RGS10: variants seen among roughly 807,000 people sequenced by gnomAD.
RGS10 encodes the protein regulator of G-protein signalling 10.
A neutral mutation model predicts 23.5 loss-of-function variants in RGS10; 11 were observed. The ratio of observed to expected loss-of-function variants is 0.47; its 90% CI spans 0.29 to 0.77. The LOEUF (loss-of-function observed/expected upper bound fraction) is 0.77. Among genes scored for constraint, RGS10 ranks in the 30% least tolerant of loss-of-function variants. The pLI, the probability that RGS10 is intolerant of heterozygous loss-of-function variation, is 0.08. For missense variants in RGS10, 180 were observed against 226.3 expected (o/e 0.80, Z 1.31); for synonymous variants, 77 against 83.2 (o/e 0.92, Z 0.41).
At chr10:119,542,384 C>A (rs1844443024) in intron 1 of RGS10, among the ~76,000 whole-genome samples, 1 of 152,258 alleles carries the variant, frequency 6.6e-6, no homozygotes, top group South Asian at 2.1e-4. Context: ...AACTTCCTCC[C>A]CGGGGCTCCC....
intron 1 of RGS10, among the ~76,000 whole-genome samples, chr10:119,537,991 G>A (rs1322795923): frequency 6.6e-6 from 1 of 152,188 alleles, no homozygotes; most frequent in Non-Finnish European, 1.5e-5. Context: ...TGTGGATCAG[G>A]ACAGCTCTTT....
At chr10:119,529,492 T>G (rs1406258898) in intron 1 of RGS10, among the ~76,000 whole-genome samples, 4 of 152,000 alleles carry the variant, frequency 2.6e-5, no homozygotes, top group Non-Finnish European at 4.4e-5. Context: ...AAACCCAGTT[T>G]CCCCAATTCA....
chr10:119,519,001 T>G (rs765717022), intron 3 of RGS10, among the ~76,000 whole-genome samples: 2 of 152,160 alleles, frequency 1.3e-5, no homozygotes, highest in Admixed American at 6.5e-5. Context: ...CCACCGTGCC[T>G]AGTCTCCAAT....
Position 119,499,907 on chromosome 10 carries a change from A to G in RGS10, c.*206T>C. 1.9e-6 allele frequency: 1 copy of G among 518,122 alleles called. No homozygotes were observed. Among genetic ancestry groups the G allele is most frequent in the East Asian group, 3.3e-5 (1 of 30,412 alleles). 32.1% of individuals were successfully genotyped at this position (518,122 alleles called of 1,614,324 possible). ...AGGAATCTCTGTTTTGTAAACTAAA[A>G]CTTCCAAGTTATTATTATTCTTTTT... On this transcript the variant is annotated 3_prime_UTR_variant, in exon 5 of 5. Transcript: ENST00000369103.
intron 1 of RGS10, among the ~76,000 whole-genome samples, chr10:119,531,674 C>T (rs1320035181): frequency 6.6e-6 from 1 of 152,132 alleles, no homozygotes; most frequent in African/African-American, 2.4e-5. Context: ...AAGCAAAAAT[C>T]CAGAAGATAG....
chr10:119,508,637 T>C (rs1018871341), intron 4 of RGS10, among the ~76,000 whole-genome samples: 1 of 152,182 alleles, frequency 6.6e-6, no homozygotes, highest in African/African-American at 2.4e-5. Flanking sequence ...TCTTCAATGT[T>C]TGAGTACAGC....
At chr10:119,515,386 G>C (rs549218777) in intron 4 of RGS10, 123 bp downstream of exon 4, 1 of 1,181,720 alleles carries the variant, frequency 8.5e-7, no homozygotes, top group East Asian at 2.5e-5. Flanking sequence ...AGTGTACCTC[G>C]GTCTGCCCGG....
At chr10:119,540,763 G>A (rs976439680) in intron 1 of RGS10, among the ~76,000 whole-genome samples, 7 of 152,112 alleles carry the variant, frequency 4.6e-5, no homozygotes, top group Non-Finnish European at 8.8e-5. Context: ...AATAAGTAAC[G>A]CGTACAGGGC....
chr10:119,514,657 T>TAAAA (rs59322683), intron 4 of RGS10, among the ~76,000 whole-genome samples: 3 of 141,782 alleles, frequency 2.1e-5, no homozygotes, highest in Middle Eastern at 3.6e-3. Flanking sequence ...GACTCGGTAT[T>TAAAA]AAAAAAAAAA....
chr10:119,532,655 C>T (rs1844343242), intron 1 of RGS10, among the ~76,000 whole-genome samples: 1 of 152,154 alleles, frequency 6.6e-6, no homozygotes, highest in African/African-American at 2.4e-5. Flanking sequence ...GCCTGGCCAA[C>T]ATGGTGAAAC....
intron 1 of RGS10, among the ~76,000 whole-genome samples, chr10:119,542,374 A>G (rs1844442934): frequency 6.6e-6 from 1 of 152,182 alleles, no homozygotes; most frequent in African/African-American, 2.4e-5. Context: ...CTTTCAGCCA[A>G]ACTTCCTCCC....
At chr10:119,514,734 C>A (rs1199908358) in intron 4 of RGS10, among the ~76,000 whole-genome samples, 1 of 151,850 alleles carries the variant, frequency 6.6e-6, no homozygotes, top group Non-Finnish European at 1.5e-5. Context: ...ACTGAGAATA[C>A]CTAGAGCACA....
In RGS10 at chr10:119,500,158, A is replaced by T. The variant is rs138771488; in HGVS notation, c.501T>A (p.Asp167Glu). 5.3e-5 allele frequency: 86 copies of T among 1,613,996 alleles called. No individual in the cohort carries two copies. The African/African-American group carries it at 8.5e-4, about 16-fold the overall frequency. The change falls in exon 5 of 5, where the codon GAT (aspartate) becomes GAA (glutamate). Residue 167 changes from aspartate to glutamate, a missense_variant. By Grantham distance (45) the Asp-to-Glu change is conservative (BLOSUM62 2). Transcript: ENST00000369103. Reference protein sequence around the residue: ...RTEEEEEDLPDAQTAAKRASR... With the variant: ...RTEEEEEDLPEAQTAAKRASR... Reference sequence around the variant, plus strand: ...AAGCTCTTTTAGCTGCAGTTTGAGCATCAGGCAAATCTTCTTCCTCTTCCT... The same window carrying T: ...AAGCTCTTTTAGCTGCAGTTTGAGCTTCAGGCAAATCTTCTTCCTCTTCCT...
chr10:119,525,430 A>G (rs1416385027), intron 3 of RGS10, among the ~76,000 whole-genome samples: 1 of 152,198 alleles, frequency 6.6e-6, no homozygotes, highest in East Asian at 1.9e-4. Context: ...TTTAGCCAGC[A>G]GCCTCTTAGA....
chr10:119,536,399 C>G, intron 1 of RGS10: 1 of 1,480,206 alleles, frequency 6.8e-7, no homozygotes. Flanking sequence ...CCAGCCCCTG[C>G]CCCGCCCAGG....
At position 119,517,588 on chromosome 10, in the gene RGS10, G is replaced by A. The variant is rs1436819856; in HGVS notation, c.256-1936C>T. On this transcript the variant is annotated intron_variant, in intron 3 of 4. Coordinates refer to ENST00000369103, the MANE Select transcript of RGS10 (RefSeq NM_001005339.2). The surrounding 1 kb of genome is among the most constrained non-coding windows in gnomAD (Gnocchi z 5.0). The stretch of plus-strand genomic sequence containing the variant: ...AGCCACTTCATGAAAGGAGAATTTC[G>A]GCCAGGCAGATGAGCAAACTCCATG... Among the ~76,000 whole-genome samples the A allele has an allele frequency of 6.6e-6, 1 of 152,154 alleles. No homozygotes were observed. Among genetic ancestry groups the A allele is most frequent in the Non-Finnish European group, 1.5e-5 (1 of 68,036 alleles).
At chr10:119,539,385 G>A (rs999057415) in intron 1 of RGS10, among the ~76,000 whole-genome samples, 5 of 152,226 alleles carry the variant, frequency 3.3e-5, no homozygotes, top group African/African-American at 1.2e-4. Flanking sequence ...AAACCTGCCC[G>A]GCAGGGTGGG....
At chr10:119,514,122 G>A (rs1245048780) in intron 4 of RGS10, among the ~76,000 whole-genome samples, 18 of 151,984 alleles carry the variant, frequency 1.2e-4, no homozygotes, top group Non-Finnish European at 2.4e-4. Context: ...CTGGGAGGCC[G>A]ACGCGGGCGG....
At chr10:119,540,106 TTA>T (rs1844423088) in intron 1 of RGS10, among the ~76,000 whole-genome samples, 1 of 150,724 alleles carries the variant, frequency 6.6e-6, no homozygotes, top group South Asian at 2.1e-4. Flanking sequence ...AGGCAAGAAC[TTA>T]TGTTATTTTC....
Sources: gnomAD v4.1 joint callset for allele counts (sites outside exome capture counted in the v4.1 genomes callset) on GRCh38, gnomAD v4.1.1 for gene constraint, Gnocchi (gnomAD v3.1) non-coding constraint, MANE v1.5 for transcripts, NCBI Gene and HGNC (gene_info 2026-07-23, HGNC 2026-07-21) for gene names.